BOLA3: variants seen among roughly 807,000 people sequenced by gnomAD.
BOLA3 encodes bolA family member 3, also known as bolA-like protein 3.
In BOLA3, 8 loss-of-function variants were observed where a neutral mutation model predicts 14.5. The ratio of observed to expected loss-of-function variants is 0.55; its 90% CI spans 0.32 to 0.99. The LOEUF is 0.99. Ranked by LOEUF, BOLA3 falls within the 50% of genes least tolerant of loss-of-function variation. The probability of loss-of-function intolerance (pLI) is 0.04; values close to 1 mark genes in which losing one functional copy is unlikely to be tolerated. For missense variants in BOLA3, 115 were observed against 138.2 expected, an observed-to-expected ratio of 0.83 and a Z score of 0.84; for synonymous variants, 42 against 45.7, an observed-to-expected ratio of 0.92 and a Z score of 0.33.
At chr2:74,135,787 C>T (rs1202441654) in intron 3 of BOLA3, 129 bp from the exon 4 acceptor site, 1 of 760,882 alleles carries the variant, frequency 1.3e-6, no homozygotes, top group African/African-American at 1.8e-5. Context: ...GCAATTTTTC[C>T]TTTTTTTGAA....
chr2:74,140,128 A>G (rs533483583), intron 3 of BOLA3, among the ~76,000 whole-genome samples: 1 of 152,260 alleles, frequency 6.6e-6, no homozygotes, highest in South Asian at 2.1e-4. Context: ...TACTAAAAAT[A>G]CTAAAATTAG....
At chr2:74,144,501 G>A (rs145392217) in intron 2 of BOLA3, among the ~76,000 whole-genome samples, 26 of 152,260 alleles carry the variant, frequency 1.7e-4, no homozygotes, top group South Asian at 6.2e-4. Flanking sequence ...CCCACGCCAC[G>A]GGCCGTTCTG....
intron 3 of BOLA3, among the ~76,000 whole-genome samples, chr2:74,140,101 T>C (rs113502893): frequency 0.013 from 1,984 of 152,252 alleles, 34 homozygotes; most frequent in African/African-American, 0.046. Context: ...CTGGCCAACA[T>C]GGTGAAACCC....
In BOLA3 at chr2:74,147,881, C is replaced by T; in HGVS notation, c.-7G>A. The T allele has an allele frequency of 6.6e-7, 1 of 1,514,284 alleles. No individual in the cohort carries two copies. Among genetic ancestry groups the T allele is most frequent in the South Asian group, 1.2e-5 (1 of 81,754 alleles). The allele number at this position is 1,514,284 out of a possible 1,614,324, so 93.8% of individuals were successfully genotyped here. Reference sequence around the variant, plus strand: ...CCGGGCTCCATGCAGCCATGCCCGGCCGACGTGACCCGCCGCCCGAGGTCA... The same window carrying T: ...CCGGGCTCCATGCAGCCATGCCCGGTCGACGTGACCCGCCGCCCGAGGTCA... On this transcript the variant is annotated 5_prime_UTR_variant, in exon 1 of 4. Coordinates refer to ENST00000327428, the MANE Select transcript of BOLA3 (RefSeq NM_212552.3).
At chr2:74,145,744 A>T (rs1692531485) in intron 1 of BOLA3, 1 of 231,330 alleles carries the variant, frequency 4.3e-6, no homozygotes, top group South Asian at 5.9e-5. Context: ...ACTGCCCTGG[A>T]TGGTGGGGCC....
At position 74,135,622 on chromosome 2, in the gene BOLA3, G is replaced by A. The variant is rs866949521; in HGVS notation, c.295C>T (p.Arg99Trp). 1.8e-5 allele frequency: 29 copies of A among 1,613,910 alleles called. No homozygotes were observed. Among genetic ancestry groups the A allele is most frequent in the Non-Finnish European group, 2.1e-5 (25 of 1,179,836 alleles). The change falls in exon 4 of 4, where the codon CGG becomes TGG. Residue 99 changes from arginine to tryptophan, a missense_variant. Transcript: ENST00000327428. Reference protein sequence around the residue: ...KEEIKEMHGLRIFTSVPKR With the variant: ...KEEIKEMHGLWIFTSVPKR ...CGTTTGGGGACAGAGGTAAATATCC[G>A]CAATCCATGCATCTCTTTGATTTCT...
At chr2:74,137,819 G>A (rs7594992) in intron 3 of BOLA3, among the ~76,000 whole-genome samples, 6,941 of 152,202 alleles carry the variant, frequency 0.046, 505 homozygotes, top group African/African-American at 0.16. Flanking sequence ...TCAACTCTGC[G>A]GACAGGCAGA....
chr2:74,145,555 G>A (rs1434785774), intron 1 of BOLA3: 1 of 533,126 alleles, frequency 1.9e-6, no homozygotes, highest in African/African-American at 1.9e-5. Flanking sequence ...AGAGACAAGA[G>A]GCCCCAAACC....
intron 3 of BOLA3, 98 bp from the exon 4 acceptor site, chr2:74,135,756 C>T: frequency 2.2e-6 from 2 of 919,108 alleles, no homozygotes; most frequent in Non-Finnish European, 3.5e-6. Context: ...CTGAAGGAGA[C>T]TTTGTATGTG....
intron 2 of BOLA3, 96 bp downstream of exon 2, chr2:74,145,093 C>T: frequency 1.3e-6 from 1 of 772,042 alleles, no homozygotes; most frequent in Non-Finnish European, 2.4e-6. Flanking sequence ...AGCCACTCAC[C>T]AGCAGCAAGC....
Position 74,135,651 on chromosome 2 carries a change from T to C in BOLA3, c.266A>G (p.Lys89Arg), listed in dbSNP as rs761041660. Residue 89 changes from lysine (K) to arginine (R), a missense_variant, in exon 4 of 4, where the codon AAA becomes AGA. Transcript: ENST00000327428. ...TCCATGCATCTCTTTGATTTCTTCT[T>C]TTAGTGCCTAAGTAAGAAAACAGCA... ...QQHQMVNQAL[K>R]EEIKEMHGLR... The C allele has an allele frequency of 1.4e-5, 23 of 1,612,138 alleles. 1 individual carries two copies. The highest frequency in any genetic ancestry group is 1.9e-5 in the Non-Finnish European group (22 of 1,178,336).
chr2:74,138,801 C>T (rs530934227), intron 3 of BOLA3, among the ~76,000 whole-genome samples: 4 of 152,166 alleles, frequency 2.6e-5, no homozygotes, highest in Admixed American at 6.5e-5. Flanking sequence ...CTGCCTTCCA[C>T]GTGGCAGGCA....
chr2:74,140,154 G>A (rs1005875025), intron 3 of BOLA3, among the ~76,000 whole-genome samples: 4 of 151,986 alleles, frequency 2.6e-5, no homozygotes, highest in Non-Finnish European at 5.9e-5. Flanking sequence ...TGTGGTGGCG[G>A]GCGCCTGTAG....
chr2:74,137,038 A>C (rs1203315292), intron 3 of BOLA3, among the ~76,000 whole-genome samples: 1 of 152,222 alleles, frequency 6.6e-6, no homozygotes, highest in African/African-American at 2.4e-5. Context: ...ACTAGGCCAA[A>C]ATCTGATAAT....
intron 1 of BOLA3, chr2:74,145,751 G>A: frequency 4.6e-6 from 1 of 217,452 alleles, no homozygotes; most frequent in Non-Finnish European, 9.4e-6. Context: ...TGGATGGTGG[G>A]GCCAAATTCC....
chr2:74,143,451 G>A (rs575645251), intron 2 of BOLA3, among the ~76,000 whole-genome samples: 7 of 152,190 alleles, frequency 4.6e-5, no homozygotes, highest in South Asian at 2.1e-4. Flanking sequence ...GAGCCACCGC[G>A]CCTGGCCTGT....
intron 3 of BOLA3, 58 bp from the exon 4 acceptor site, chr2:74,135,716 C>G (rs1179947645): frequency 8.3e-7 from 1 of 1,200,160 alleles, no homozygotes. Context: ...TACAGTAATT[C>G]TCTGAGAGTA....
intron 2 of BOLA3, among the ~76,000 whole-genome samples, chr2:74,144,512 T>G (rs566599850): frequency 3.3e-5 from 5 of 151,536 alleles, no homozygotes; most frequent in African/African-American, 1.2e-4. Flanking sequence ...GGCCGTTCTG[T>G]GTGTACGTGT....
chr2:74,135,803 A>T lies in BOLA3; in HGVS notation c.259-145T>A, dbSNP rs1051608130. On this transcript the variant is annotated intron_variant, in intron 3 of 3. Transcript: ENST00000327428. The stretch of plus-strand genomic sequence containing the variant: ...CAATTTTTCCTTTTTTTGAAAAACA[A>T]TTTTTTTTAAATCAATAATATCTAA... 1.2e-4 allele frequency: 78 copies of T among 665,630 alleles called. 1 individual carries two copies. The highest frequency in any genetic ancestry group is 3.2e-5 in the Non-Finnish European group (12 of 377,524). The allele number at this position is 665,630 out of a possible 1,614,324, so 41.2% of individuals were successfully genotyped here.
Sources: gnomAD v4.1 joint callset for allele counts (sites outside exome capture counted in the v4.1 genomes callset) on GRCh38, gnomAD v4.1.1 for gene constraint, MANE v1.5 for transcripts, NCBI Gene and HGNC (gene_info 2026-07-23, HGNC 2026-07-21) for gene names.